The following TENM3 variants were observed in gnomAD, a reference collection of about 807,000 sequenced individuals.
TENM3 encodes the protein teneurin-3.
TENM3 carries 63 observed loss-of-function variants against 255.1 expected under a neutral mutation model. The observed-to-expected ratio is 0.25, with a 90% CI of 0.20 to 0.30. The LOEUF is 0.30. Ranked by LOEUF, TENM3 falls within the 10% of genes least tolerant of loss-of-function variation. TENM3 has a pLI of 1.00. For synonymous variants in TENM3, 1,306 were observed against 1,322.3 expected, an observed-to-expected ratio of 0.99 and a Z score of 0.27; for missense variants, 2,929 against 3,461.1, an observed-to-expected ratio of 0.85 and a Z score of 3.86.
chr4:181,478,982 T>TC, the TENM3 span, among the ~76,000 whole-genome samples: 1 of 152,218 alleles, frequency 6.6e-6, no homozygotes, highest in African/African-American at 2.4e-5. Flanking sequence ...TGCAAGTTTT[T>TC]CTCTTCTAGA....
intron 3 of TENM3, among the ~76,000 whole-genome samples, chr4:182,449,997 A>G (rs1354217092): frequency 1.3e-5 from 2 of 152,186 alleles, no homozygotes; most frequent in Non-Finnish European, 2.9e-5. Context: ...TCTCTGGAAT[A>G]TCTTATAAAT....
the TENM3 span, among the ~76,000 whole-genome samples, chr4:181,511,939 G>T: frequency 8.7e-4 from 132 of 152,234 alleles, no homozygotes; most frequent in Middle Eastern, 3.4e-3. Flanking sequence ...GGGCCCCTAA[G>T]AGTCTGTGTT....
the TENM3 span, among the ~76,000 whole-genome samples, chr4:182,033,978 G>T: frequency 6.6e-6 from 1 of 152,092 alleles, no homozygotes; most frequent in Non-Finnish European, 1.5e-5. Flanking sequence ...TGCTAATAAA[G>T]ACACACCCCA....
At chr4:182,691,913 CA>C (rs1337864538) in intron 12 of TENM3, among the ~76,000 whole-genome samples, 1 of 152,148 alleles carries the variant, frequency 6.6e-6, no homozygotes, top group African/African-American at 2.4e-5. Context: ...TGCTCCACTA[CA>C]AAAATACTCT....
At chr4:182,413,211 T>A (rs922672471) in intron 3 of TENM3, among the ~76,000 whole-genome samples, 6 of 152,052 alleles carry the variant, frequency 3.9e-5, no homozygotes, top group African/African-American at 1.2e-4. Flanking sequence ...GGTTAAGGAT[T>A]TTTCAGAACT....
chr4:181,682,240 C>T, the TENM3 span, among the ~76,000 whole-genome samples: 2 of 152,152 alleles, frequency 1.3e-5, no homozygotes, highest in South Asian at 2.1e-4. Flanking sequence ...TTTATATCAT[C>T]GAACGCAAAA....
At chr4:182,333,193 A>G (rs934603722) in intron 2 of TENM3, among the ~76,000 whole-genome samples, 22 of 152,328 alleles carry the variant, frequency 1.4e-4, no homozygotes, top group African/African-American at 5.1e-4. Context: ...GGAAGGCATC[A>G]AAGTTCATGT....
chr4:182,412,514 A>T lies in TENM3; in HGVS notation c.511+65585A>T, dbSNP rs191846970. Among the ~76,000 whole-genome samples the T allele has an allele frequency of 2.6e-5, 4 of 152,294 alleles. No individual in the cohort carries two copies. In the East Asian group the frequency reaches 7.7e-4, roughly 29 times the overall value. Reference sequence around the variant, plus strand: ...TATGAAATGAAAATGATGAGTTTTAAAAAAGTATGTTTGATATTCTCAGAG... The same window carrying T: ...TATGAAATGAAAATGATGAGTTTTATAAAAGTATGTTTGATATTCTCAGAG... On this transcript the variant is annotated intron_variant, in intron 3 of 27. Transcript: ENST00000511685.
At chr4:181,670,441 T>C in the TENM3 span, among the ~76,000 whole-genome samples, 471 of 152,322 alleles carry the variant, frequency 3.1e-3, 3 homozygotes, top group African/African-American at 0.01. Flanking sequence ...TTAAGAACCA[T>C]GCATCTTGTC....
At chr4:181,909,040 G>T in the TENM3 span, among the ~76,000 whole-genome samples, 11 of 152,142 alleles carry the variant, frequency 7.2e-5, no homozygotes, top group Non-Finnish European at 1.5e-4. Context: ...TTTTCAACTT[G>T]ACTTCTGCCT....
chr4:181,724,656 G>A, the TENM3 span, among the ~76,000 whole-genome samples: 71,923 of 151,922 alleles, frequency 0.47, 17,447 homozygotes, highest in African/African-American at 0.6. Flanking sequence ...TTTGATCTCT[G>A]TCTTCTACAC....
chr4:182,569,940 G>A (rs1000795721), intron 3 of TENM3, among the ~76,000 whole-genome samples: 2 of 152,116 alleles, frequency 1.3e-5, no homozygotes, highest in Admixed American at 6.5e-5. Flanking sequence ...AGAATGTGCA[G>A]GTAGGATATA....
At chr4:182,059,561 C>T in the TENM3 span, among the ~76,000 whole-genome samples, 21 of 151,404 alleles carry the variant, frequency 1.4e-4, no homozygotes, top group Non-Finnish European at 3.0e-5. Flanking sequence ...ACAAATGCAC[C>T]CATCCATCTT....
At chr4:181,644,315 C>T in the TENM3 span, among the ~76,000 whole-genome samples, 12 of 151,748 alleles carry the variant, frequency 7.9e-5, no homozygotes, top group South Asian at 2.1e-4. Context: ...AGGAGGGAGG[C>T]GGACAGGGAG....
chr4:182,720,057 GTC>G (rs1172436632), intron 13 of TENM3, among the ~76,000 whole-genome samples: 3 of 151,480 alleles, frequency 2.0e-5, no homozygotes, highest in South Asian at 2.2e-4. Context: ...GTGAGACCCT[GTC>G]TCTCACACAC....
the TENM3 span, among the ~76,000 whole-genome samples, chr4:182,084,117 G>A: frequency 6.6e-6 from 1 of 152,198 alleles, no homozygotes; most frequent in South Asian, 2.1e-4. Flanking sequence ...GTGATACTTG[G>A]TAACATACAC....
intron 1 of TENM3, among the ~76,000 whole-genome samples, chr4:182,300,471 G>A (rs1761786562): frequency 6.6e-6 from 1 of 152,144 alleles, no homozygotes; most frequent in Non-Finnish European, 1.5e-5. Context: ...CATGTTACCA[G>A]GTCACAGGTC....
chr4:182,088,606 G>C, the TENM3 span, among the ~76,000 whole-genome samples: 1 of 151,992 alleles, frequency 6.6e-6, no homozygotes, highest in South Asian at 2.1e-4. Context: ...AGGCCGAGGC[G>C]GGCGGATCAC....
intron 22 of TENM3, among the ~76,000 whole-genome samples, chr4:182,760,901 G>T (rs1202424477): frequency 6.6e-6 from 1 of 152,152 alleles, no homozygotes; most frequent in Non-Finnish European, 1.5e-5. Flanking sequence ...CATGTGCTAC[G>T]CCTAAGCCTA....
Sources: gnomAD v4.1 joint callset for allele counts (sites outside exome capture counted in the v4.1 genomes callset) on GRCh38, gnomAD v4.1.1 for gene constraint, MANE v1.5 for transcripts, NCBI Gene and HGNC (gene_info 2026-07-23, HGNC 2026-07-21) for gene names.